Variants in TMCO4 observed in about 807,000 individuals in gnomAD.
TMCO4 encodes transmembrane and coiled-coil domains 4.
Under a neutral mutation model 64.7 loss-of-function variants are expected in TMCO4, and 58 were observed. The observed-to-expected ratio is 0.90, with a 90% CI of 0.73 to 1.12. The LOEUF is 1.12. TMCO4 is among the 50% of genes most tolerant of loss of function. The pLI is 0.00. For missense variants in TMCO4, 780 were observed against 825.9 expected (o/e 0.94, Z 0.68); for synonymous variants, 325 against 346.1 (o/e 0.94, Z 0.68).
intron 7 of TMCO4, among the ~76,000 whole-genome samples, chr1:19,752,061 A>T (rs965619572): frequency 1.0e-4 from 15 of 150,062 alleles, no homozygotes; most frequent in South Asian, 4.2e-4. Flanking sequence ...AAAAAAAAAA[A>T]TTTTTTTTTT....
intron 14 of TMCO4, among the ~76,000 whole-genome samples, chr1:19,697,998 C>A (rs2095247960): frequency 6.6e-6 from 1 of 152,144 alleles, no homozygotes; most frequent in Non-Finnish European, 1.5e-5. Context: ...TCCTGTGTTT[C>A]CCCTTTTCTA....
At chr1:19,737,092 TC>T in intron 13 of TMCO4, among the ~76,000 whole-genome samples, 1 of 152,292 alleles carries the variant, frequency 6.6e-6, no homozygotes. Flanking sequence ...GAATTTCTTG[TC>T]CCCTTCATTC....
At chr1:19,735,517 TA>T (rs1338352619) in intron 13 of TMCO4, among the ~76,000 whole-genome samples, 1 of 152,174 alleles carries the variant, frequency 6.6e-6, no homozygotes, top group Admixed American at 6.5e-5. Flanking sequence ...CAAAAGGCTG[TA>T]GTGCAGGAAC....
chr1:19,733,588 T>C (rs1258866395), intron 13 of TMCO4, among the ~76,000 whole-genome samples: 1 of 152,194 alleles, frequency 6.6e-6, no homozygotes, highest in East Asian at 1.9e-4. Context: ...CCAGGGGAGC[T>C]ATTTCCAAAA....
intron 13 of TMCO4, among the ~76,000 whole-genome samples, chr1:19,735,082 G>C (rs1035047517): frequency 1.3e-5 from 2 of 152,180 alleles, no homozygotes; most frequent in Non-Finnish European, 2.9e-5. Flanking sequence ...GCTCAAGGCA[G>C]ACCCTGCCTA....
intron 12 of TMCO4, chr1:19,738,121 T>C (rs920609002): frequency 2.0e-5 from 3 of 151,204 alleles, no homozygotes; most frequent in Admixed American, 1.3e-4. Flanking sequence ...AGGAGGGGAG[T>C]GGATGAGCTC....
chr1:19,765,560 C>CA (rs2042698697), intron 6 of TMCO4, among the ~76,000 whole-genome samples: 2 of 152,088 alleles, frequency 1.3e-5, no homozygotes, highest in Non-Finnish European at 2.9e-5. Flanking sequence ...GAATAGCCCC[C>CA]CACAACAGAA....
chr1:19,682,363 A>C lies in TMCO4; in HGVS notation c.*677T>G. ...ACAGCCATACTGAATGCAATTCAGC[A>C]TGTATTCACCATGCTCTGTTAGTGG... On this transcript the variant is annotated 3_prime_UTR_variant, in exon 16 of 16. Transcript: ENST00000294543. 2.2e-6 allele frequency: 1 copy of C among 463,322 alleles called. No homozygotes were observed. Among genetic ancestry groups the C allele is most frequent in the Admixed American group, 3.3e-5 (1 of 30,182 alleles). The allele number at this position is 463,322 out of a possible 1,614,324, so 28.7% of individuals were successfully genotyped here. A position where few individuals can be genotyped will look rare whatever the true frequency, so the allele number is the denominator to read the frequency against.
chr1:19,794,243 C>G (rs74058656), intron 2 of TMCO4, among the ~76,000 whole-genome samples: 6,601 of 152,250 alleles, frequency 0.043, 485 homozygotes, highest in African/African-American at 0.15. Flanking sequence ...CACTTCAGTG[C>G]AGCCACCCTA....
At chr1:19,683,476 G>A (rs1317362625) in intron 15 of TMCO4, 32 bp from the exon 16 acceptor site, 1 of 1,608,112 alleles carries the variant, frequency 6.2e-7, no homozygotes, top group South Asian at 1.1e-5. Context: ...CACCACCGTG[G>A]GTGTGCAGAG....
intron 2 of TMCO4, among the ~76,000 whole-genome samples, chr1:19,793,461 C>T (rs936188623): frequency 4.6e-5 from 7 of 152,156 alleles, no homozygotes; most frequent in Non-Finnish European, 7.4e-5. Context: ...TCTTGAGATG[C>T]TCCTAGAAGG....
intron 10 of TMCO4, among the ~76,000 whole-genome samples, chr1:19,741,727 T>C (rs1363025332): frequency 7.4e-6 from 1 of 134,490 alleles, no homozygotes; most frequent in African/African-American, 3.0e-5. Flanking sequence ...TGGCTTTTCT[T>C]TTCTTTCTTT....
intron 6 of TMCO4, among the ~76,000 whole-genome samples, chr1:19,769,948 G>A (rs2042911747): frequency 8.3e-6 from 1 of 120,812 alleles, no homozygotes; most frequent in Non-Finnish European, 1.9e-5. Context: ...CACGTGCTTA[G>A]GGAGCTGCCG....
chr1:19,746,527 G>A lies in TMCO4; in HGVS notation c.686C>T (p.Ala229Val), dbSNP rs559661206. The A allele has an allele frequency of 3.5e-5, 56 of 1,611,176 alleles. No homozygotes were observed. Among genetic ancestry groups the A allele is most frequent in the African/African-American group, 2.0e-4 (15 of 75,024 alleles). Residue 229 changes from alanine to valine, a missense_variant, in exon 9 of 16, where the codon GCG becomes GTG. Coordinates refer to ENST00000294543, the MANE Select transcript of TMCO4 (RefSeq NM_181719.7). ...TATGCCGGCTGCTGAGCCCAGAGCC[G>A]CTGCCCCGGCGCTGCCAATAATCGT... ...AATIIGSAGA[A>V]ALGSAAGIAI... is the part of the protein sequence containing the mutation.
intron 7 of TMCO4, among the ~76,000 whole-genome samples, chr1:19,752,673 A>C (rs2042072860): frequency 6.6e-6 from 1 of 152,104 alleles, no homozygotes; most frequent in Non-Finnish European, 1.5e-5. Context: ...TTTCTTCAGA[A>C]TTAAGGAGAA....
intron 6 of TMCO4, among the ~76,000 whole-genome samples, chr1:19,757,972 T>C (rs1220442444): frequency 1.3e-5 from 2 of 152,242 alleles, no homozygotes; most frequent in Admixed American, 6.5e-5. Context: ...GCCCTGGCCC[T>C]GTGAAGACAC....
chr1:19,701,730 G>C (rs866060229), intron 13 of TMCO4, among the ~76,000 whole-genome samples: 4 of 152,250 alleles, frequency 2.6e-5, no homozygotes, highest in Non-Finnish European at 5.9e-5. Flanking sequence ...GGTGGGAAGT[G>C]GGGGGTGAAG....
intron 12 of TMCO4, 64 bp downstream of exon 12, chr1:19,739,760 A>G: frequency 1.9e-6 from 3 of 1,569,808 alleles, no homozygotes; most frequent in Non-Finnish European, 2.6e-6. Flanking sequence ...GATATCTGTG[A>G]ACAAGTCAGC....
intron 12 of TMCO4, 30 bp downstream of exon 12, chr1:19,739,794 T>G: frequency 1.2e-6 from 2 of 1,606,270 alleles, no homozygotes; most frequent in East Asian, 4.5e-5. Flanking sequence ...TCTTGCTCAA[T>G]GCCACGCCCA....
Sources: allele counts gnomAD v4.1 joint callset (sites outside exome capture counted in the v4.1 genomes callset), GRCh38; gene constraint gnomAD v4.1.1; transcripts MANE v1.5; gene names NCBI Gene and HGNC (gene_info 2026-07-23, HGNC 2026-07-21).